Variants in UBQLN1 observed in about 807,000 individuals in gnomAD.
The protein encoded by UBQLN1 is ubiquilin-1.
Under a neutral mutation model 65.4 loss-of-function variants are expected in UBQLN1, and 13 were observed. The ratio of observed to expected loss-of-function variants is 0.20; its 90% CI spans 0.13 to 0.32. The LOEUF is 0.32. UBQLN1 is among the 10% of genes least tolerant of loss of function. The pLI is 1.00. For missense variants in UBQLN1, 561 were observed against 724.0 expected, an observed-to-expected ratio of 0.77 and a Z score of 2.58; for synonymous variants, 267 against 247.8, an observed-to-expected ratio of 1.08 and a Z score of -0.73.
chr9:83,680,089 T>A, intron 3 of UBQLN1, 52 bp from the exon 4 acceptor site: 1 of 1,542,386 alleles, frequency 6.5e-7, no homozygotes, highest in African/African-American at 1.4e-5. Flanking sequence ...AAATTTATCA[T>A]TAACATGACA....
chr9:83,689,671 G>A (rs1832094782), intron 1 of UBQLN1, among the ~76,000 whole-genome samples: 1 of 152,156 alleles, frequency 6.6e-6, no homozygotes, highest in East Asian at 1.9e-4. Context: ...TGGAAAAGAT[G>A]ACCTAAGTGG....
intron 1 of UBQLN1, among the ~76,000 whole-genome samples, chr9:83,703,682 TAA>T (rs1832349519): frequency 6.6e-6 from 1 of 152,130 alleles, no homozygotes; most frequent in East Asian, 1.9e-4. Context: ...TAGCAACCTG[TAA>T]GTAAAAATTT....
At chr9:83,671,009 T>C (rs1831720696) in intron 6 of UBQLN1, among the ~76,000 whole-genome samples, 1 of 152,140 alleles carries the variant, frequency 6.6e-6, no homozygotes. Context: ...TCACCCAGGC[T>C]GGAGTGAGGG....
intron 8 of UBQLN1, 95 bp from the exon 9 acceptor site, chr9:83,665,240 T>C (rs562306841): frequency 1.1e-4 from 97 of 908,694 alleles, no homozygotes; most frequent in Non-Finnish European, 1.5e-4. Flanking sequence ...GGAGAAAATC[T>C]AAAACCTTAC....
At chr9:83,666,303 T>C in intron 8 of UBQLN1, 47 bp downstream of exon 8, 7 of 1,590,754 alleles carry the variant, frequency 4.4e-6, no homozygotes, top group Non-Finnish European at 6.0e-6. Flanking sequence ...ATCAAATTTT[T>C]TCAAGCAAAT....
At position 83,683,192 on chromosome 9, in the gene UBQLN1, C is replaced by CA. The variant is rs1831975647; in HGVS notation, c.333-127dup. ...CTTTGGGAGGCCGAAGCTGGCTGAT[C>CA]ACGAGGTCAAGAGATAGAGAACATC... On this transcript the variant is annotated intron_variant, in intron 2 of 10. Coordinates refer to ENST00000376395, the MANE Select transcript of UBQLN1 (RefSeq NM_013438.5). 11 of 535,562 alleles carry CA rather than the reference C, an allele frequency of 2.1e-5. No homozygotes were observed. The South Asian group carries it at 2.5e-4, about 12-fold the overall frequency. 33.2% of individuals were successfully genotyped at this position (535,562 alleles called of 1,614,324 possible). A position where few individuals can be genotyped will look rare whatever the true frequency, so the allele number is the denominator to read the frequency against.
chr9:83,667,783 G>A lies in UBQLN1; in HGVS notation c.1249-1350C>T, dbSNP rs766455159. 18 of 972,498 alleles carry A rather than the reference G, an allele frequency of 1.9e-5. No individual in the cohort carries two copies. The South Asian group carries it at 2.4e-4, about 13-fold the overall frequency. The allele number at this position is 972,498 out of a possible 1,614,324, so 60.2% of individuals were successfully genotyped here. A position where few individuals can be genotyped will look rare whatever the true frequency, so the allele number is the denominator to read the frequency against. On this transcript the variant is annotated intron_variant, in intron 7 of 10. Coordinates refer to ENST00000376395, the MANE Select transcript of UBQLN1 (RefSeq NM_013438.5). ...ATACCACAAGTTTTTACACTCAAGA[G>A]TCTTTTTAAATATTTAAAAATCAAA...
chr9:83,672,837 T>C (rs969489200), intron 6 of UBQLN1, among the ~76,000 whole-genome samples: 1 of 152,130 alleles, frequency 6.6e-6, no homozygotes, highest in African/African-American at 2.4e-5. Context: ...CACAACAAAA[T>C]GAGGTATATC....
chr9:83,692,956 A>G (rs1347852206), intron 1 of UBQLN1, among the ~76,000 whole-genome samples: 1 of 152,234 alleles, frequency 6.6e-6, no homozygotes, highest in Non-Finnish European at 1.5e-5. Context: ...GATTACCTAG[A>G]TTAACTTATT....
At chr9:83,702,029 G>C (rs935525028) in intron 1 of UBQLN1, among the ~76,000 whole-genome samples, 6 of 152,160 alleles carry the variant, frequency 3.9e-5, no homozygotes, top group African/African-American at 1.4e-4. Flanking sequence ...GATGAACCTT[G>C]AAAACACTAT....
intron 6 of UBQLN1, among the ~76,000 whole-genome samples, chr9:83,676,767 C>T (rs1165477961): frequency 6.6e-6 from 1 of 152,102 alleles, no homozygotes; most frequent in East Asian, 1.9e-4. Flanking sequence ...TAAAACATGC[C>T]CAGTCTATCT....
chr9:83,705,257 TGAAACGGA>T (rs1832381524), intron 1 of UBQLN1, among the ~76,000 whole-genome samples: 1 of 150,196 alleles, frequency 6.7e-6, no homozygotes, highest in Non-Finnish European at 1.5e-5. Context: ...TTTTTTTTTT[TGAAACGGA>T]GTTTCACTCT....
chr9:83,702,750 A>G (rs1832332609), intron 1 of UBQLN1, among the ~76,000 whole-genome samples: 1 of 152,200 alleles, frequency 6.6e-6, no homozygotes, highest in Non-Finnish European at 1.5e-5. Context: ...ATCAAAGTGG[A>G]CAGTATAGTT....
At chr9:83,675,856 A>T (rs1255379394) in intron 6 of UBQLN1, among the ~76,000 whole-genome samples, 1 of 152,224 alleles carries the variant, frequency 6.6e-6, no homozygotes, top group African/African-American at 2.4e-5. Context: ...ATTATGCAAA[A>T]TGTTATTCCC....
intron 1 of UBQLN1, among the ~76,000 whole-genome samples, chr9:83,703,481 A>C (rs1015865423): frequency 2.0e-5 from 3 of 152,150 alleles, no homozygotes. Context: ...TTTAGGTGCC[A>C]TCCCCAAGAT....
At chr9:83,669,479 C>A (rs1051406731) in intron 6 of UBQLN1, 152 bp from the exon 7 acceptor site, 9 of 705,562 alleles carry the variant, frequency 1.3e-5, no homozygotes, top group African/African-American at 1.9e-5. Context: ...AACTTTAAAA[C>A]TAAAACATCT....
chr9:83,679,723 T>C, intron 4 of UBQLN1, 52 bp downstream of exon 4: 1 of 1,572,620 alleles, frequency 6.4e-7, no homozygotes, highest in Non-Finnish European at 8.7e-7. Context: ...GAAAATTAAA[T>C]AACAAATATA....
chr9:83,665,037 T>C lies in UBQLN1; in HGVS notation c.1441A>G (p.Ile481Val). Residue 481 changes from isoleucine to valine, a missense_variant, in exon 9 of 11, where the codon ATC becomes GTC. By Grantham distance (29) the Ile-to-Val change is conservative. Transcript: ENST00000376395. ...TTCCCCAAATAAGCCTACCCTGGGA[T>C]GAGGCCCGGGGCTTCCGTTGCTAAT... ...QTLATEAPGLIPGFTPGLGAL... is the reference protein window; with the variant it reads ...QTLATEAPGLVPGFTPGLGAL... 1 of 1,610,464 alleles carries C rather than the reference T, an allele frequency of 6.2e-7. No homozygotes were observed. Among genetic ancestry groups the C allele is most frequent in the South Asian group, 1.1e-5 (1 of 90,526 alleles).
At position 83,677,712 on chromosome 9, in the gene UBQLN1, T is replaced by G; in HGVS notation, c.1105+15A>C. The G allele has an allele frequency of 6.3e-7, 1 of 1,583,954 alleles. No individual in the cohort carries two copies. Among genetic ancestry groups the G allele is most frequent in the Non-Finnish European group, 8.6e-7 (1 of 1,160,014 alleles). On this transcript the variant is annotated intron_variant, in intron 6 of 10. Coordinates refer to ENST00000376395, the MANE Select transcript of UBQLN1 (RefSeq NM_013438.5). ...AGGACAACAAAGAAAAAAGCCTGAGTTGTTAAAAGCATACCTCCTACTCCA... is the reference window on the plus strand; with the variant it reads ...AGGACAACAAAGAAAAAAGCCTGAGGTGTTAAAAGCATACCTCCTACTCCA...
Sources: allele counts gnomAD v4.1 joint callset (sites outside exome capture counted in the v4.1 genomes callset), GRCh38; gene constraint gnomAD v4.1.1; transcripts MANE v1.5; gene names NCBI Gene and HGNC (gene_info 2026-07-23, HGNC 2026-07-21).